The following AFM variants were observed in gnomAD, a reference collection of about 807,000 sequenced individuals.
AFM encodes alpha-Alb.
A neutral mutation model predicts 68.7 loss-of-function variants in AFM; 82 were observed. That is an observed-to-expected ratio of 1.19 (90% confidence interval 1.00 to 1.43). AFM has a LOEUF of 1.43. Ranked by LOEUF, AFM falls within the 40% of genes most tolerant of loss-of-function variation. The pLI, the probability that AFM is intolerant of heterozygous loss-of-function variation, is 0.00. For missense variants in AFM, 772 were observed against 701.8 expected (o/e 1.10, Z -1.13); for synonymous variants, 250 against 234.2 (o/e 1.07, Z -0.61).
Position 73,486,090 on chromosome 4 carries a change from TA to T in AFM, c.482+23del, listed in dbSNP as rs1329757475. ...TTTAAATCAGTAAGTTTAATCTTAG[TA>T]AAAAATGATCCAGTTGAAGAATTAG... On this transcript the variant is annotated intron_variant, in intron 4 of 14. Coordinates refer to ENST00000226355, the MANE Select transcript of AFM (RefSeq NM_001133.2). 1 of 1,590,674 alleles carries T rather than the reference TA, an allele frequency of 6.3e-7. No homozygotes were observed. The highest frequency in any genetic ancestry group is 8.6e-7 in the Non-Finnish European group (1 of 1,160,382).
In AFM at chr4:73,500,108, C is replaced by A; in HGVS notation, c.1527C>A (p.Cys509Ter). 1 of 1,614,054 alleles carries A rather than the reference C, an allele frequency of 6.2e-7. No homozygotes were observed. The highest frequency in any genetic ancestry group is 1.1e-5 in the South Asian group (1 of 91,080). ...CAAACTTTGCCTTCAGAAGGCCCTG[C>A]TTTGAGAGTTTGAAAGCTGATAAAA... is the stretch of plus-strand genomic sequence containing the variant. ...CKTNFAFRRP[C>*]FESLKADKTY... Residue 509 changes from cysteine to a stop codon, truncating the protein, a stop_gained, in exon 12 of 15, where the codon TGC becomes TGA. Coordinates refer to ENST00000226355, the MANE Select transcript of AFM (RefSeq NM_001133.2). LOFTEE classifies it high-confidence loss of function.
intron 11 of AFM, 32 bp from the exon 12 acceptor site, chr4:73,499,972 T>C (rs374283639): frequency 6.4e-7 from 1 of 1,561,414 alleles, no homozygotes; most frequent in African/African-American, 1.4e-5. Flanking sequence ...AGTTTTAAGA[T>C]CGTATCTCAG....
intron 6 of AFM, 89 bp from the exon 7 acceptor site, chr4:73,488,540 TG>T: frequency 8.7e-7 from 1 of 1,152,472 alleles, no homozygotes; most frequent in Non-Finnish European, 1.2e-6. Context: ...CAATACTTTT[TG>T]TAGCTATTCA....
intron 5 of AFM, among the ~76,000 whole-genome samples, chr4:73,487,385 T>C (rs549216179): frequency 1.8e-4 from 27 of 152,222 alleles, no homozygotes; most frequent in Non-Finnish European, 3.7e-4. Context: ...AATGATGACA[T>C]TTTATCTTTT....
At chr4:73,483,686 TAA>T (rs543363753) in intron 1 of AFM, among the ~76,000 whole-genome samples, 43 of 152,366 alleles carry the variant, frequency 2.8e-4, no homozygotes, top group African/African-American at 9.9e-4. Context: ...ATGGCAAATT[TAA>T]AGTCTAGTCA....
At position 73,488,741 on chromosome 4, in the gene AFM, G is replaced by T; in HGVS notation, c.825G>T (p.Val275=). 1 of 1,611,990 alleles carries T rather than the reference G, an allele frequency of 6.2e-7. No homozygotes were observed. The highest frequency in any genetic ancestry group is 8.5e-7 in the Non-Finnish European group (1 of 1,179,234). ...NYDGCCEGDV[V]QCIRDTSKVM... ...ATGGATGCTGTGAAGGGGATGTTGTGCAGTGCATCCGTGACACGGTGAATA... is the reference window on the plus strand; with the variant it reads ...ATGGATGCTGTGAAGGGGATGTTGTTCAGTGCATCCGTGACACGGTGAATA... Residue 275 remains valine, a synonymous_variant, in exon 7 of 15, where the codon GTG becomes GTT. Transcript: ENST00000226355.
chr4:73,499,254 T>C lies in AFM; in HGVS notation c.1422+8T>C, dbSNP rs1362837144. The C allele has an allele frequency of 6.3e-7, 1 of 1,599,736 alleles. No homozygotes were observed. Among genetic ancestry groups the C allele is most frequent in the Non-Finnish European group, 8.5e-7 (1 of 1,172,538 alleles). ...GCCTGTGTTGATAATTTGGTGAGCA[T>C]GGCCTGTGTACCAGACTACTCTTTT... On this transcript the variant is annotated splice_region_variant and intron_variant, in intron 11 of 14. Transcript: ENST00000226355.
intron 1 of AFM, among the ~76,000 whole-genome samples, chr4:73,483,213 T>C (rs1279335395): frequency 6.6e-6 from 1 of 152,190 alleles, no homozygotes; most frequent in Non-Finnish European, 1.5e-5. Flanking sequence ...ATAATCCTTT[T>C]TTTTCTTTCT....
rs1338384871 is a variant in AFM, at chr4:73,483,930, T to G, written c.89-11T>G. The G allele has an allele frequency of 3.3e-6, 5 of 1,520,708 alleles. No homozygotes were observed. The highest frequency in any genetic ancestry group is 3.6e-6 in the Non-Finnish European group (4 of 1,112,406). 94.2% of individuals were successfully genotyped at this position (1,520,708 alleles called of 1,614,324 possible). A position where few individuals can be genotyped will look rare whatever the true frequency, so the allele number is the denominator to read the frequency against. ...ATGCTATGTAATAACCTAAATATTC[T>G]TGCTTTTCAGAGAACTTCAATAGTA... is the stretch of plus-strand genomic sequence containing the variant. On this transcript the variant is annotated splice_polypyrimidine_tract_variant and intron_variant, in intron 1 of 14. Coordinates refer to ENST00000226355, the MANE Select transcript of AFM (RefSeq NM_001133.2).
chr4:73,484,474 CTT>C (rs1553893991), intron 3 of AFM, 84 bp downstream of exon 3: 2 of 584,948 alleles, frequency 3.4e-6, no homozygotes, highest in South Asian at 4.2e-5. Context: ...TTCTTTCTTT[CTT>C]TCTTTCTTTC....
chr4:73,500,722 T>G (rs1345953285), intron 12 of AFM, among the ~76,000 whole-genome samples: 4 of 152,094 alleles, frequency 2.6e-5, no homozygotes, highest in African/African-American at 9.7e-5. Flanking sequence ...GAAATGGAGG[T>G]TGTTTTGGAC....
In AFM at chr4:73,500,194, C is replaced by T. The variant is rs772155821; in HGVS notation, c.1613C>T (p.Ser538Phe). ...ACCTTTCACGCAGACATGTGTCAATCTCAGAATGAGGAGCTTCAGAGGAAG... is the reference window on the plus strand; with the variant it reads ...ACCTTTCACGCAGACATGTGTCAATTTCAGAATGAGGAGCTTCAGAGGAAG... ...LFTFHADMCQ[S>F]QNEELQRKTD... is the part of the protein sequence containing the mutation. The change falls in exon 12 of 15, where the codon TCT becomes TTT. Residue 538 changes from serine (S) to phenylalanine (F), a missense_variant. By Grantham distance (155) the Ser-to-Phe change is radical. Coordinates refer to ENST00000226355, the MANE Select transcript of AFM (RefSeq NM_001133.2). The T allele has an allele frequency of 6.2e-7, 1 of 1,613,566 alleles. No individual in the cohort carries two copies.
chr4:73,501,371 CT>C (rs1560414888), intron 12 of AFM, among the ~76,000 whole-genome samples: 2 of 151,978 alleles, frequency 1.3e-5, no homozygotes, highest in African/African-American at 4.8e-5. Flanking sequence ...AAACATTTAT[CT>C]TTTCTTTGTA....
chr4:73,483,834 A>T, intron 1 of AFM, 107 bp from the exon 2 acceptor site: 1 of 869,676 alleles, frequency 1.1e-6, no homozygotes, highest in Non-Finnish European at 1.7e-6. Flanking sequence ...TCCTGTCATC[A>T]GTGGTCTATT....
chr4:73,486,192 A>T, intron 4 of AFM, 119 bp downstream of exon 4: 1 of 844,986 alleles, frequency 1.2e-6, no homozygotes, highest in Non-Finnish European at 1.8e-6. Flanking sequence ...TGTTTCATTC[A>T]TTCAAAACAT....
intron 4 of AFM, 131 bp from the exon 5 acceptor site, chr4:73,486,836 G>C (rs995939169): frequency 5.4e-6 from 5 of 921,010 alleles, no homozygotes; most frequent in Non-Finnish European, 8.0e-6. Flanking sequence ...TGCTCTTCTT[G>C]TCTCTTTCTA....
intron 12 of AFM, among the ~76,000 whole-genome samples, chr4:73,501,382 A>G (rs1721417729): frequency 1.3e-5 from 2 of 152,006 alleles, no homozygotes; most frequent in South Asian, 4.1e-4. Context: ...TTTTCTTTGT[A>G]CTGGGAACAT....
At chr4:73,487,942 G>A (rs1286486931) in intron 6 of AFM, 121 bp downstream of exon 6, 14 of 660,266 alleles carry the variant, frequency 2.1e-5, no homozygotes, top group Non-Finnish European at 7.8e-6. Flanking sequence ...TTTGGGGTGA[G>A]TCTGAGCCTA....
chr4:73,501,201 T>G (rs1003180099), intron 12 of AFM, among the ~76,000 whole-genome samples: 1 of 145,850 alleles, frequency 6.9e-6, no homozygotes, highest in African/African-American at 2.8e-5. Flanking sequence ...ATGGCTGTTG[T>G]CACACTTAAT....
Sources: gnomAD v4.1 joint callset for allele counts (sites outside exome capture counted in the v4.1 genomes callset) on GRCh38, gnomAD v4.1.1 for gene constraint, MANE v1.5 for transcripts, NCBI Gene and HGNC (gene_info 2026-07-23, HGNC 2026-07-21) for gene names.